The following MPPED2 variants were observed in gnomAD, a reference collection of about 807,000 sequenced individuals.
MPPED2 encodes metallophosphoesterase MPPED2.
In MPPED2, 5 loss-of-function variants were observed where a neutral mutation model predicts 33.0. The observed-to-expected ratio is 0.15, with a 90% CI of 0.08 to 0.32. The LOEUF (loss-of-function observed/expected upper bound fraction) is 0.32, where lower values mean the gene tolerates loss of function less well. Ranked by LOEUF, MPPED2 falls within the 10% of genes least tolerant of loss-of-function variation. The pLI is 1.00. For synonymous variants in MPPED2, 136 were observed against 141.9 expected (o/e 0.96, Z 0.29); for missense variants, 275 against 372.1 (o/e 0.74, Z 2.15).
At chr11:30,511,213 C>G (rs573407749) in intron 3 of MPPED2, among the ~76,000 whole-genome samples, 126 of 152,262 alleles carry the variant, frequency 8.3e-4, no homozygotes, top group African/African-American at 2.6e-3. Context: ...TGACCACAGT[C>G]TTTCTACAAC....
At chr11:30,507,988 GGGTTTTCCAATTTCT>G (rs1397817068) in intron 3 of MPPED2, among the ~76,000 whole-genome samples, 1 of 152,034 alleles carries the variant, frequency 6.6e-6, no homozygotes, top group Non-Finnish European at 1.5e-5. Flanking sequence ...CCTTACTCAT[GGGTTTTCCAATTTCT>G]AGAGATCTAG....
intron 4 of MPPED2, among the ~76,000 whole-genome samples, chr11:30,472,206 A>G (rs1950979156): frequency 6.6e-6 from 1 of 152,126 alleles, no homozygotes; most frequent in African/African-American, 2.4e-5. Flanking sequence ...ACAAAAAACT[A>G]AAAAACCAGC....
chr11:30,564,559 G>C (rs1956362738), intron 2 of MPPED2, among the ~76,000 whole-genome samples: 1 of 152,186 alleles, frequency 6.6e-6, no homozygotes, highest in Non-Finnish European at 1.5e-5. Flanking sequence ...GTTGCACAGA[G>C]AGTAAGAGGG....
chr11:30,499,419 G>C (rs538461791), intron 3 of MPPED2, among the ~76,000 whole-genome samples: 1 of 152,290 alleles, frequency 6.6e-6, no homozygotes, highest in South Asian at 2.1e-4. Flanking sequence ...TTCACTGAGT[G>C]TCATGTCAGT....
chr11:30,532,005 T>C (rs1324592000), intron 3 of MPPED2, among the ~76,000 whole-genome samples: 1 of 152,242 alleles, frequency 6.6e-6, no homozygotes, highest in East Asian at 1.9e-4. Flanking sequence ...GTCCAAATCC[T>C]GAGGTCACTG....
At chr11:30,540,241 C>T (rs958747129) in intron 2 of MPPED2, among the ~76,000 whole-genome samples, 1 of 152,174 alleles carries the variant, frequency 6.6e-6, no homozygotes, top group Non-Finnish European at 1.5e-5. Flanking sequence ...CAGCATCTGA[C>T]ACACAACAAA....
At chr11:30,541,276 A>T (rs1327215227) in intron 2 of MPPED2, among the ~76,000 whole-genome samples, 1 of 152,062 alleles carries the variant, frequency 6.6e-6, no homozygotes, top group Non-Finnish European at 1.5e-5. Flanking sequence ...TTTTTTACTC[A>T]CAAAAAATAT....
chr11:30,463,825 A>G (rs1950599049), intron 4 of MPPED2, among the ~76,000 whole-genome samples: 2 of 151,158 alleles, frequency 1.3e-5, no homozygotes. Context: ...CCTAACTGAT[A>G]TGGGATTATG....
intron 2 of MPPED2, among the ~76,000 whole-genome samples, chr11:30,540,846 T>C (rs576901902): frequency 3.9e-5 from 6 of 152,322 alleles, no homozygotes; most frequent in Admixed American, 2.6e-4. Context: ...TCTATTATAA[T>C]CCCCGGAAAT....
chr11:30,445,588 G>A (rs1198422859), intron 4 of MPPED2, among the ~76,000 whole-genome samples: 5 of 152,052 alleles, frequency 3.3e-5, no homozygotes, highest in Admixed American at 2.0e-4. Context: ...TTCCCAAACC[G>A]AAACTACGCA....
In MPPED2 at chr11:30,453,452, G is replaced by A. The variant is rs73455728; in HGVS notation, c.537-35819C>T. ...GGAGACCACTTTATTTTATTTCTGG[G>A]ACAATCAAATTTCTCTCCAATAGGG... On this transcript the variant is annotated intron_variant, in intron 4 of 6. Transcript: ENST00000358117. Among the ~76,000 whole-genome samples, 102 of 152,264 alleles carry A rather than the reference G, an allele frequency of 6.7e-4. 1 individual carries two copies. Among genetic ancestry groups the A allele is most frequent in the African/African-American group, 2.3e-3 (96 of 41,548 alleles).
intron 3 of MPPED2, among the ~76,000 whole-genome samples, chr11:30,496,731 G>A (rs1446393208): frequency 6.6e-6 from 1 of 151,732 alleles, no homozygotes; most frequent in African/African-American, 2.4e-5. Context: ...GGGAGGTGAG[G>A]GGAGCAAGTT....
At chr11:30,447,327 A>C (rs1437204312) in intron 4 of MPPED2, among the ~76,000 whole-genome samples, 2 of 152,190 alleles carry the variant, frequency 1.3e-5, no homozygotes, top group Non-Finnish European at 2.9e-5. Flanking sequence ...CAAACTATTC[A>C]TTTTATATCC....
chr11:30,437,590 A>G (rs948932001), intron 4 of MPPED2, among the ~76,000 whole-genome samples: 1 of 152,166 alleles, frequency 6.6e-6, no homozygotes, highest in African/African-American at 2.4e-5. Flanking sequence ...TTATCTGAAT[A>G]CTAGCCTAAA....
chr11:30,521,503 G>A (rs559619413), intron 3 of MPPED2, among the ~76,000 whole-genome samples: 1 of 152,268 alleles, frequency 6.6e-6, no homozygotes, highest in African/African-American at 2.4e-5. Flanking sequence ...AGGTTATCAA[G>A]GCTCTTTGGA....
At chr11:30,437,779 A>G (rs995058821) in intron 4 of MPPED2, among the ~76,000 whole-genome samples, 2 of 152,152 alleles carry the variant, frequency 1.3e-5, no homozygotes, top group African/African-American at 2.4e-5. Flanking sequence ...ATCTGACCTC[A>G]CCAAAGAATC....
chr11:30,460,189 C>G (rs1459497787), intron 4 of MPPED2, among the ~76,000 whole-genome samples: 2 of 152,174 alleles, frequency 1.3e-5, no homozygotes, highest in East Asian at 3.8e-4. Flanking sequence ...TGAATGCTGG[C>G]TTTTCTTCTG....
intron 4 of MPPED2, among the ~76,000 whole-genome samples, chr11:30,487,600 C>T (rs1278284812): frequency 1.3e-5 from 2 of 152,106 alleles, no homozygotes; most frequent in African/African-American, 4.8e-5. Context: ...CCTGCCTCAA[C>T]CTCCCAAGTA....
chr11:30,432,227 A>G (rs1047821339), intron 4 of MPPED2, among the ~76,000 whole-genome samples: 27 of 152,178 alleles, frequency 1.8e-4, no homozygotes, highest in African/African-American at 5.8e-4. Context: ...AGTCAAAACT[A>G]AAACCAGGTC....
Sources: allele counts gnomAD v4.1 joint callset (sites outside exome capture counted in the v4.1 genomes callset), GRCh38; gene constraint gnomAD v4.1.1; transcripts MANE v1.5; gene names NCBI Gene and HGNC (gene_info 2026-07-23, HGNC 2026-07-21).